MRO: variants seen among roughly 807,000 people sequenced by gnomAD.
MRO encodes protein maestro.
A neutral mutation model predicts 31.0 loss-of-function variants in MRO; 28 were observed. The ratio of observed to expected loss-of-function variants is 0.90; its 90% CI spans 0.67 to 1.24. MRO has a LOEUF of 1.24. Ranked by LOEUF, MRO falls within the 50% of genes most tolerant of loss-of-function variation. MRO has a pLI of 0.00. For missense variants in MRO, 332 were observed against 289.2 expected (o/e 1.15, Z -1.07); for synonymous variants, 108 against 108.4 (o/e 1.00, Z 0.02).
chr18:50,821,275 G>A (rs1752763033), upstream of MRO, among the ~76,000 whole-genome samples: 1 of 152,166 alleles, frequency 6.6e-6, no homozygotes, highest in South Asian at 2.1e-4. Context: ...GGGCACGAGG[G>A]AAAGGGTTAG....
At chr18:50,804,563 T>G (rs574363616) in intron 5 of MRO, among the ~76,000 whole-genome samples, 1 of 149,118 alleles carries the variant, frequency 6.7e-6, no homozygotes, top group East Asian at 2.0e-4. Context: ...AAGGTGGAGG[T>G]TGCAGTGAGC....
intron 2 of MRO, among the ~76,000 whole-genome samples, chr18:50,810,532 G>A (rs912479576): frequency 3.9e-5 from 6 of 152,168 alleles, no homozygotes; most frequent in Admixed American, 1.3e-4. Context: ...CTGGAAATCC[G>A]AGGAACTGAA....
At chr18:50,810,092 G>T (rs754114583) in intron 2 of MRO, among the ~76,000 whole-genome samples, 1 of 152,082 alleles carries the variant, frequency 6.6e-6, no homozygotes, top group Non-Finnish European at 1.5e-5. Context: ...CAGCCTCTGA[G>T]TGGCTGGGGC....
intron 6 of MRO, 36 bp from the exon 7 acceptor site, chr18:50,800,179 G>T: frequency 7.0e-7 from 1 of 1,437,334 alleles, no homozygotes; most frequent in Non-Finnish European, 9.7e-7. Flanking sequence ...ATTTATTAGA[G>T]AGTTCCATAA....
chr18:50,811,532 A>G (rs1020449285), intron 2 of MRO, among the ~76,000 whole-genome samples: 23 of 152,226 alleles, frequency 1.5e-4, no homozygotes, highest in African/African-American at 5.3e-4. Context: ...ATGTATCAGT[A>G]TTTCATTCTT....
chr18:50,809,168 A>C (rs1328987580), intron 3 of MRO, 134 bp downstream of exon 3: 2 of 370,284 alleles, frequency 5.4e-6, no homozygotes, highest in Non-Finnish European at 9.8e-6. Flanking sequence ...AAAAAAAAAA[A>C]AAAAACTGTC....
At position 50,805,267 on chromosome 18, in the gene MRO, C is replaced by A; in HGVS notation, c.316G>T (p.Val106Phe). 2 of 1,614,080 alleles carry A rather than the reference C, an allele frequency of 1.2e-6. No individual in the cohort carries two copies. Among genetic ancestry groups the A allele is most frequent in the South Asian group, 1.1e-5 (1 of 91,074 alleles). Reference sequence around the variant, plus strand: ...AGAGTCTTCATACTCTCATGGATGACTTCCAAATTCACAGGGTCATACAGT... The same window carrying A: ...AGAGTCTTCATACTCTCATGGATGAATTCCAAATTCACAGGGTCATACAGT... ...YGLYDPVNLEVIHESMKTLTV... is the reference protein window; with the variant it reads ...YGLYDPVNLEFIHESMKTLTV... The change falls in exon 5 of 8, where the codon GTC becomes TTC. Residue 106 changes from valine (V) to phenylalanine (F), a missense_variant. By Grantham distance (50) the Val-to-Phe change is conservative. Transcript: ENST00000398439.
At chr18:50,820,336 G>A, upstream of MRO, among the ~76,000 whole-genome samples, 1 of 152,130 alleles carries the variant, frequency 6.6e-6, no homozygotes, top group Non-Finnish European at 1.5e-5. Context: ...TGATTTATTG[G>A]TAAAAAGCAA....
chr18:50,809,069 T>C (rs1045688381), intron 3 of MRO, among the ~76,000 whole-genome samples: 19 of 140,720 alleles, frequency 1.4e-4, no homozygotes, highest in African/African-American at 5.0e-4. Context: ...ACCCGGGAAG[T>C]GGAGCTTGCA....
chr18:50,800,947 G>A (rs1323549328), intron 6 of MRO, among the ~76,000 whole-genome samples: 2 of 150,582 alleles, frequency 1.3e-5, no homozygotes, highest in African/African-American at 4.9e-5. Context: ...AGGAAGGAAG[G>A]AAAGAAAAGA....
At chr18:50,802,162 C>T (rs1913400068) in intron 5 of MRO, among the ~76,000 whole-genome samples, 1 of 152,056 alleles carries the variant, frequency 6.6e-6, no homozygotes, top group Non-Finnish European at 1.5e-5. Flanking sequence ...CACCAAAATT[C>T]ATTCAACCAG....
chr18:50,811,565 A>G (rs1320980737), intron 2 of MRO, among the ~76,000 whole-genome samples: 3 of 152,114 alleles, frequency 2.0e-5, no homozygotes, highest in Admixed American at 2.0e-4. Context: ...ATAGTATTCA[A>G]TTGTATGGTT....
chr18:50,818,812 G>T (rs966176990), intron 2 of MRO, among the ~76,000 whole-genome samples: 1 of 152,132 alleles, frequency 6.6e-6, no homozygotes, highest in Non-Finnish European at 1.5e-5. Flanking sequence ...CAGCATTTTG[G>T]GAGGCTGAGG....
At chr18:50,814,358 C>T (rs1914719741) in intron 2 of MRO, 1 of 152,188 alleles carries the variant, frequency 6.6e-6, no homozygotes, top group African/African-American at 2.4e-5. Flanking sequence ...ACCATCTGCC[C>T]CTGCAGCCAG....
intron 5 of MRO, among the ~76,000 whole-genome samples, chr18:50,803,347 A>T (rs1913588483): frequency 6.6e-6 from 1 of 151,970 alleles, no homozygotes; most frequent in African/African-American, 2.4e-5. Context: ...TCTCTACAAA[A>T]ACTACGAAAA....
intron 2 of MRO, among the ~76,000 whole-genome samples, chr18:50,813,978 C>A (rs1159238295): frequency 2.6e-5 from 4 of 152,148 alleles, no homozygotes; most frequent in African/African-American, 7.2e-5. Flanking sequence ...ACATGTACCC[C>A]TGAAACTAAA....
rs761352413 is a variant in MRO at position 50,819,895 on chromosome 18, AC to A, written c.-127+1del. On this transcript the variant is annotated splice_donor_variant, in intron 1 of 7. Transcript: ENST00000398439. LOFTEE classifies it low-confidence loss of function (5UTR_SPLICE). ...TAGGGTGGCACAAGCATGACTTGCT[AC>A]CTTTGCTTCCCCACGCCATGCTGAG... The A allele has an allele frequency of 2.6e-6, 4 of 1,551,382 alleles. No homozygotes were observed. The highest frequency in any genetic ancestry group is 2.4e-5 in the South Asian group (2 of 84,056).
intron 2 of MRO, among the ~76,000 whole-genome samples, chr18:50,813,253 A>G (rs370610437): frequency 1.3e-5 from 2 of 152,288 alleles, no homozygotes; most frequent in East Asian, 3.9e-4. Context: ...TATCTCCTTC[A>G]TATCTGGCCA....
chr18:50,818,505 C>A (rs1915117943), intron 2 of MRO, among the ~76,000 whole-genome samples: 1 of 152,178 alleles, frequency 6.6e-6, no homozygotes. Context: ...CCTGATCTTA[C>A]TGAAGATACA....
Sources: gnomAD v4.1 joint callset for allele counts (sites outside exome capture counted in the v4.1 genomes callset) on GRCh38, gnomAD v4.1.1 for gene constraint, MANE v1.5 for transcripts, NCBI Gene and HGNC (gene_info 2026-07-23, HGNC 2026-07-21) for gene names.